FZD6: variants seen among roughly 807,000 people sequenced by gnomAD.
FZD6 encodes the protein frizzled-6.
In FZD6, 49 loss-of-function variants were observed where a neutral mutation model predicts 61.4. That is an observed-to-expected ratio of 0.80 (90% CI 0.63 to 1.01). The LOEUF is 1.01. Among genes scored for constraint, FZD6 ranks in the 50% least tolerant of loss-of-function variants. The pLI, the probability that FZD6 is intolerant of heterozygous loss-of-function variation, is 0.00. For missense variants in FZD6, 724 were observed against 848.2 expected (o/e 0.85, Z 1.82); for synonymous variants, 265 against 292.2 (o/e 0.91, Z 0.95).
chr8:103,324,739 T>C lies in FZD6; in HGVS notation c.633T>C (p.Cys211=), dbSNP rs966018925. The C allele has an allele frequency of 1.9e-6, 3 of 1,614,030 alleles. No individual in the cohort carries two copies. In the Admixed American group the frequency reaches 5.0e-5, roughly 27 times the overall value. The part of the protein sequence containing the change: ...FIGTVSIFCL[C]ATLFTFLTFL... ...GAACAGTTTCAATATTTTGTCTTTG[T>C]GCAACTCTGTTCACATTCCTTACTT... The change falls in exon 4 of 7, where the codon TGT becomes TGC. Residue 211 remains cysteine (C), a synonymous_variant. Coordinates refer to ENST00000358755, the MANE Select transcript of FZD6 (RefSeq NM_003506.4).
intron 6 of FZD6, 152 bp from the exon 7 acceptor site, chr8:103,331,189 T>A: frequency 1.8e-5 from 12 of 669,210 alleles, no homozygotes; most frequent in East Asian, 8.3e-5. Context: ...AAAAAAAAAA[T>A]TTGTATTTTG....
chr8:103,316,440 A>G (rs1814629586), intron 2 of FZD6, among the ~76,000 whole-genome samples: 1 of 152,170 alleles, frequency 6.6e-6, no homozygotes, highest in East Asian at 1.9e-4. Context: ...GTCATTCTTC[A>G]GTGTTGAATC....
intron 3 of FZD6, among the ~76,000 whole-genome samples, chr8:103,322,458 A>C (rs1297108781): frequency 6.6e-6 from 1 of 152,178 alleles, no homozygotes; most frequent in Non-Finnish European, 1.5e-5. Flanking sequence ...GTGATAGTGA[A>C]TAAACTTGAT....
chr8:103,326,113 T>C (rs1334927299), intron 4 of FZD6, among the ~76,000 whole-genome samples: 1 of 152,200 alleles, frequency 6.6e-6, no homozygotes, highest in Non-Finnish European at 1.5e-5. Flanking sequence ...GTTGAAGTTT[T>C]GTAAATAGAA....
intron 4 of FZD6, among the ~76,000 whole-genome samples, chr8:103,327,489 G>C (rs540652984): frequency 6.6e-6 from 1 of 152,096 alleles, no homozygotes; most frequent in Non-Finnish European, 1.5e-5. Context: ...CCAGCTACTT[G>C]GGAGGCTGAG....
chr8:103,299,559 T>G (rs1037630052), intron 1 of FZD6, among the ~76,000 whole-genome samples: 1 of 152,190 alleles, frequency 6.6e-6, no homozygotes, highest in Non-Finnish European at 1.5e-5. Context: ...TTAAGAACTC[T>G]TTGGGTCTTA....
chr8:103,300,207 A>C lies in FZD6; in HGVS notation c.100A>C (p.Lys34Gln), dbSNP rs970993467. ...CEPITVPRCM[K>Q]MAYNMTFFPN... ...ACCAATTACTGTTCCCAGATGTATG[A>C]AAATGGCCTACAACATGACGTTTTT... The change falls in exon 2 of 7, where the codon AAA becomes CAA. Residue 34 changes from lysine to glutamine, a missense_variant. Lys to Gln is a moderately conservative substitution (Grantham distance 53, BLOSUM62 1). Coordinates refer to ENST00000358755, the MANE Select transcript of FZD6 (RefSeq NM_003506.4). The C allele has an allele frequency of 6.2e-7, 1 of 1,608,674 alleles. No homozygotes were observed. The highest frequency in any genetic ancestry group is 1.3e-5 in the African/African-American group (1 of 74,940).
intron 2 of FZD6, among the ~76,000 whole-genome samples, chr8:103,301,313 G>T (rs183509661): frequency 1.3e-5 from 2 of 152,086 alleles, no homozygotes; most frequent in African/African-American, 4.8e-5. Flanking sequence ...TCTTTCAGTG[G>T]TTTTTTTCAA....
At position 103,300,241 on chromosome 8, in the gene FZD6, TG is replaced by T. The variant is rs768184791; in HGVS notation, c.135del (p.Met46TrpfsTer41). ...MAYNMTFFPN[L>X]MGHYDQSIAA... is the part of the protein sequence containing the mutation. ...TACAACATGACGTTTTTCCCTAATC[TG>T]ATGGGTCATTATGACCAGAGTATTG... On this transcript the variant is annotated frameshift_variant, in exon 2 of 7. Transcript: ENST00000358755. LOFTEE classifies it high-confidence loss of function. 3.1e-6 allele frequency: 5 copies of T among 1,612,398 alleles called. No individual in the cohort carries two copies. In the South Asian group the frequency reaches 5.5e-5, roughly 18 times the overall value.
intron 3 of FZD6, among the ~76,000 whole-genome samples, chr8:103,321,172 C>T (rs77904046): frequency 0.011 from 1,650 of 152,198 alleles, 41 homozygotes; most frequent in East Asian, 0.02. Flanking sequence ...TTTTGGTCTT[C>T]GTAACTTGAT....
At chr8:103,315,725 A>G (rs1293847655) in intron 2 of FZD6, among the ~76,000 whole-genome samples, 1 of 152,206 alleles carries the variant, frequency 6.6e-6, no homozygotes, top group Non-Finnish European at 1.5e-5. Context: ...AACTTATCAA[A>G]TTGTACACTT....
intron 4 of FZD6, among the ~76,000 whole-genome samples, chr8:103,326,159 C>A (rs976642705): frequency 1.2e-4 from 19 of 152,114 alleles, no homozygotes; most frequent in African/African-American, 4.6e-4. Context: ...AGACATTATT[C>A]CTGACTCTGT....
At chr8:103,308,022 G>A (rs1180566779) in intron 2 of FZD6, 3 of 445,140 alleles carry the variant, frequency 6.7e-6, no homozygotes, top group African/African-American at 6.0e-5. Context: ...AGGGCTTAAG[G>A]TTGGTTACTG....
rs759960644 is a variant in FZD6, at chr8:103,325,412, G to A, written c.1306G>A (p.Val436Ile). 32 of 1,613,120 alleles carry A rather than the reference G, an allele frequency of 2.0e-5. No homozygotes were observed. Among genetic ancestry groups the A allele is most frequent in the Non-Finnish European group, 2.3e-5 (27 of 1,179,224 alleles). The change falls in exon 4 of 7, where the codon GTC becomes ATC. Residue 436 changes from valine to isoleucine, a missense_variant. Val to Ile is a conservative substitution (Grantham distance 29). Transcript: ENST00000358755. ...VPLVTLLGCY[V>I]YEQVNRITWE... is the part of the protein sequence containing the mutation. ...ATTAGTGACACTTCTCGGATGTTAC[G>A]TCTATGAGCAAGTGAACAGGATTAC...
At position 103,325,139 on chromosome 8, in the gene FZD6, A is replaced by G. The variant is rs3808553; in HGVS notation, c.1033A>G (p.Met345Val). The G allele has an allele frequency of 8.7e-6, 14 of 1,613,812 alleles. No individual in the cohort carries two copies. The highest frequency in any genetic ancestry group is 4.0e-5 in the African/African-American group (3 of 74,854). Reference sequence around the variant, plus strand: ...TTTCCTGACTGTTATGCTTCTTGCTATGAACAAAGTTGAAGGAGACAACAT... The same window carrying G: ...TTTCCTGACTGTTATGCTTCTTGCTGTGAACAAAGTTGAAGGAGACAACAT... ...PGFLTVMLLAMNKVEGDNISG... is the reference protein window; with the variant it reads ...PGFLTVMLLAVNKVEGDNISG... The change falls in exon 4 of 7, where the codon ATG becomes GTG. Residue 345 changes from methionine (M) to valine (V), a missense_variant. By Grantham distance (21) the Met-to-Val change is conservative (BLOSUM62 1). Coordinates refer to ENST00000358755, the MANE Select transcript of FZD6 (RefSeq NM_003506.4).
intron 6 of FZD6, 51 bp downstream of exon 6, chr8:103,330,116 A>T: frequency 6.9e-7 from 1 of 1,443,198 alleles, no homozygotes; most frequent in South Asian, 1.1e-5. Context: ...ACTGCATTAC[A>T]CATTTTTTAT....
rs541842558 is a variant in FZD6, at chr8:103,322,919, A to G, written c.375-1562A>G. Among the ~76,000 whole-genome samples the G allele has an allele frequency of 3.9e-5, 6 of 152,318 alleles. No homozygotes were observed. In the East Asian group the frequency reaches 1.2e-3, roughly 29 times the overall value. ...AATTCTTTTAATGGGAAAAAATCTA[A>G]AAGTCCATCATAGAAGAATGATTAG... On this transcript the variant is annotated intron_variant, in intron 3 of 6. Transcript: ENST00000358755.
chr8:103,304,739 A>G (rs888689120), intron 2 of FZD6, among the ~76,000 whole-genome samples: 3 of 152,264 alleles, frequency 2.0e-5, no homozygotes, highest in Non-Finnish European at 4.4e-5. Flanking sequence ...GGTTTAAAGT[A>G]CTTGAAAATG....
rs1814077545 is a variant in FZD6, at chr8:103,299,342, G to T, written c.-153+347G>T. Among the ~76,000 whole-genome samples the T allele has an allele frequency of 2.0e-5, 3 of 152,330 alleles. No individual in the cohort carries two copies. The South Asian group carries it at 6.2e-4, about 32-fold the overall frequency. ...GCCTACAGCCTTCCTCCCGCAAGGG[G>T]ACTGCCTTCGCCCTTCCCCCGGGAC... is the stretch of plus-strand genomic sequence containing the variant. On this transcript the variant is annotated intron_variant, in intron 1 of 6. Transcript: ENST00000358755.
Sources: gnomAD v4.1 joint callset for allele counts (sites outside exome capture counted in the v4.1 genomes callset) on GRCh38, gnomAD v4.1.1 for gene constraint, MANE v1.5 for transcripts, NCBI Gene and HGNC (gene_info 2026-07-23, HGNC 2026-07-21) for gene names.